OSBPL3: variants seen among roughly 807,000 people sequenced by gnomAD.
OSBPL3 encodes oxysterol binding protein like 3.
OSBPL3 carries 65 observed loss-of-function variants against 120.1 expected under a neutral mutation model. The observed-to-expected ratio is 0.54, with a 90% CI of 0.44 to 0.67. The LOEUF is 0.67. Ranked by LOEUF, OSBPL3 falls within the 30% of genes least tolerant of loss-of-function variation. The pLI is 0.00. For synonymous variants in OSBPL3, 416 were observed against 402.6 expected, an observed-to-expected ratio of 1.03 and a Z score of -0.40; for missense variants, 1,004 against 1,082.1, an observed-to-expected ratio of 0.93 and a Z score of 1.01.
In OSBPL3 at chr7:24,937,913, G is replaced by A. The variant is rs770106156; in HGVS notation, c.-150+41973C>T. On this transcript the variant is annotated intron_variant, in intron 1 of 22. Transcript: ENST00000313367. This position sits in a 1 kb window ranked among gnomAD's most constrained non-coding sequence, Gnocchi z 4.0. ...TCCAGAATCGAAAGGTATTTCCAAA[G>A]TATAATCCATGAATTAGGATGTGGA... 1.3e-5 allele frequency among the ~76,000 whole-genome samples: 2 copies of A among 152,176 alleles called. No individual in the cohort carries two copies. The highest frequency in any genetic ancestry group is 2.9e-5 in the Non-Finnish European group (2 of 68,034).
At chr7:24,915,539 T>TA (rs35520475) in intron 1 of OSBPL3, among the ~76,000 whole-genome samples, 65 of 146,982 alleles carry the variant, frequency 4.4e-4, no homozygotes, top group Non-Finnish European at 6.0e-4. Context: ...CCCCTTTCTT[T>TA]AAAAAAAAAA....
intron 1 of OSBPL3, among the ~76,000 whole-genome samples, chr7:24,910,960 C>T (rs1808738456): frequency 6.6e-6 from 1 of 152,204 alleles, no homozygotes; most frequent in South Asian, 2.1e-4. Flanking sequence ...ACTAACTGGT[C>T]CAGACACTGG....
rs749991332 is a variant in OSBPL3 at position 24,833,328 on chromosome 7, G to A, written c.1746+1158C>T. Among the ~76,000 whole-genome samples, 2 of 152,014 alleles carry A rather than the reference G, an allele frequency of 1.3e-5. No homozygotes were observed. The highest frequency in any genetic ancestry group is 2.4e-5 in the African/African-American group (1 of 41,386). On this transcript the variant is annotated intron_variant, in intron 15 of 22. Transcript: ENST00000313367. This position sits in a 1 kb window ranked among gnomAD's most constrained non-coding sequence, Gnocchi z 4.4. ...GGTTGCAGTGAGGTAGGACTGCACC[G>A]CTGCACTCCAGCCTGGGTGACAAAG... is the stretch of plus-strand genomic sequence containing the variant.
chr7:24,859,863 G>A (rs891868009), intron 10 of OSBPL3, among the ~76,000 whole-genome samples: 6 of 152,018 alleles, frequency 3.9e-5, no homozygotes, highest in African/African-American at 4.8e-5. Context: ...ATTATATTAC[G>A]TTTTTGAAAA....
In OSBPL3 at chr7:24,976,999, T is replaced by C. The variant is rs991930900; in HGVS notation, c.-150+2887A>G. 8.5e-5 allele frequency among the ~76,000 whole-genome samples: 13 copies of C among 152,232 alleles called. 1 individual carries two copies. Among genetic ancestry groups the C allele is most frequent in the Admixed American group, 7.2e-4 (11 of 15,292 alleles). ...CAGTGTCAGCGTAAGAGTAGAGAGT[T>C]GAAATGTAGTTGTTTTACTGAAAGC... On this transcript the variant is annotated intron_variant, in intron 1 of 22. Coordinates refer to ENST00000313367, the MANE Select transcript of OSBPL3 (RefSeq NM_015550.4).
At chr7:24,840,435 T>C (rs1797602811) in intron 14 of OSBPL3, among the ~76,000 whole-genome samples, 2 of 152,186 alleles carry the variant, frequency 1.3e-5, no homozygotes, top group Non-Finnish European at 2.9e-5. Context: ...TTCTAATGAT[T>C]TTTTTAATAA....
At position 24,861,686 on chromosome 7, in the gene OSBPL3, A is replaced by C; in HGVS notation, c.954T>G (p.Asn318Lys). ...LSTLDFGEEK[N>K]YSDGSETSSE... Reference sequence around the variant, plus strand: ...ATGAGGTTTCAGAGCCATCAGAATAATTTTTCTCTTCTCCAAAATCTAGTG... The same window carrying C: ...ATGAGGTTTCAGAGCCATCAGAATACTTTTTCTCTTCTCCAAAATCTAGTG... Residue 318 changes from asparagine (N) to lysine (K), a missense_variant, in exon 10 of 23, where the codon AAT becomes AAG. By Grantham distance (94) the Asn-to-Lys change is moderately conservative (BLOSUM62 0). Transcript: ENST00000313367. 1 of 1,611,768 alleles carries C rather than the reference A, an allele frequency of 6.2e-7. No individual in the cohort carries two copies. The highest frequency in any genetic ancestry group is 1.3e-5 in the African/African-American group (1 of 74,938).
chr7:24,879,744 G>C lies in OSBPL3; in HGVS notation c.97-7675C>G, dbSNP rs545748765. On this transcript the variant is annotated intron_variant, in intron 2 of 22. Coordinates refer to ENST00000313367, the MANE Select transcript of OSBPL3 (RefSeq NM_015550.4). The surrounding 1 kb of genome is among the most constrained non-coding windows in gnomAD (Gnocchi z 5.6). ...CCAAAGAGAAAAACGCTTTCCAACT[G>C]TATTGACCACAGACGGATTTATAAT... Among the ~76,000 whole-genome samples, 7 of 152,268 alleles carry C rather than the reference G, an allele frequency of 4.6e-5. No homozygotes were observed. The highest frequency in any genetic ancestry group is 2.1e-4 in the South Asian group (1 of 4,818).
chr7:24,828,556 G>A (rs953584757), intron 16 of OSBPL3, among the ~76,000 whole-genome samples: 4 of 140,868 alleles, frequency 2.8e-5, no homozygotes, highest in African/African-American at 7.9e-5. Context: ...GCAGTAAGCC[G>A]AGATTGTGCC....
chr7:24,931,987 AAC>A (rs1383139291), intron 1 of OSBPL3, among the ~76,000 whole-genome samples: 1 of 152,232 alleles, frequency 6.6e-6, no homozygotes, highest in African/African-American at 2.4e-5. Context: ...TCATCGCGTA[AAC>A]ACAACCCCTT....
chr7:24,978,203 T>C (rs1406706684), intron 1 of OSBPL3, among the ~76,000 whole-genome samples: 1 of 152,246 alleles, frequency 6.6e-6, no homozygotes, highest in African/African-American at 2.4e-5. Context: ...TGCGGTAATG[T>C]ACAAAAGTTC....
At chr7:24,917,371 G>GATATTTGTAACATATATAT in intron 1 of OSBPL3, among the ~76,000 whole-genome samples, 1 of 106,324 alleles carries the variant, frequency 9.4e-6, no homozygotes, top group South Asian at 4.1e-4. Flanking sequence ...TGGAGCATAG[G>GATATTTGTAACATATATAT]ATATTTGTAA....
rs1455791947 is a variant in OSBPL3, at chr7:24,916,542, G to T, written c.-149-23921C>A. ...CTTTTTCCATTTGTTCACCTGATCT[G>T]TGTTTCTCTTATTTCCCCCAACACT... On this transcript the variant is annotated intron_variant, in intron 1 of 22. Coordinates refer to ENST00000313367, the MANE Select transcript of OSBPL3 (RefSeq NM_015550.4). This position sits in a 1 kb window ranked among gnomAD's most constrained non-coding sequence, Gnocchi z 4.9. Among the ~76,000 whole-genome samples, 3 of 151,766 alleles carry T rather than the reference G, an allele frequency of 2.0e-5. No individual in the cohort carries two copies. The highest frequency in any genetic ancestry group is 4.4e-5 in the Non-Finnish European group (3 of 67,994).
rs1803362512 is a variant in OSBPL3 at position 24,879,621 on chromosome 7, T to C, written c.97-7552A>G. ...CCTTGAGAAAGGGAAGGAAAATCAGTCCTTGCCAGCAGCTGATACTGACAA... is the reference window on the plus strand; with the variant it reads ...CCTTGAGAAAGGGAAGGAAAATCAGCCCTTGCCAGCAGCTGATACTGACAA... On this transcript the variant is annotated intron_variant, in intron 2 of 22. Coordinates refer to ENST00000313367, the MANE Select transcript of OSBPL3 (RefSeq NM_015550.4). The surrounding 1 kb of genome is among the most constrained non-coding windows in gnomAD (Gnocchi z 5.6). Among the ~76,000 whole-genome samples, 1 of 152,294 alleles carries C rather than the reference T, an allele frequency of 6.6e-6. No homozygotes were observed. Among genetic ancestry groups the C allele is most frequent in the African/African-American group, 2.4e-5 (1 of 41,570 alleles).
rs1816245283 is a variant in OSBPL3 at position 24,965,306 on chromosome 7, T to C, written c.-150+14580A>G. Among the ~76,000 whole-genome samples the C allele has an allele frequency of 3.3e-5, 5 of 152,210 alleles. No individual in the cohort carries two copies. The highest frequency in any genetic ancestry group is 2.6e-4 in the Admixed American group (4 of 15,286). On this transcript the variant is annotated intron_variant, in intron 1 of 22. Coordinates refer to ENST00000313367, the MANE Select transcript of OSBPL3 (RefSeq NM_015550.4). The surrounding 1 kb of genome is among the most constrained non-coding windows in gnomAD (Gnocchi z 4.3). ...GATATAAGTATGAGCTCAACTATTT[T>C]TGCCCCTAGGGTAAGTCAGTCATCT...
intron 1 of OSBPL3, among the ~76,000 whole-genome samples, chr7:24,977,661 C>T (rs894051413): frequency 6.6e-6 from 1 of 152,150 alleles, no homozygotes; most frequent in South Asian, 2.1e-4. Context: ...TCGAGACCAC[C>T]CTGGCTAACA....
chr7:24,888,105 A>G (rs945249486), intron 2 of OSBPL3, among the ~76,000 whole-genome samples: 1 of 152,336 alleles, frequency 6.6e-6, no homozygotes, highest in African/African-American at 2.4e-5. Flanking sequence ...TTTGTACAAC[A>G]CTAAAAAGGT....
rs1290253494 is a variant in OSBPL3 at position 24,898,941 on chromosome 7, A to G, written c.-149-6320T>C. ...CAGTTTGTCATCATTTAGAGCTGAA[A>G]TAATGACTCACTATAATTTCATGCG... On this transcript the variant is annotated intron_variant, in intron 1 of 22. Coordinates refer to ENST00000313367, the MANE Select transcript of OSBPL3 (RefSeq NM_015550.4). This position sits in a 1 kb window ranked among gnomAD's most constrained non-coding sequence, Gnocchi z 4.3. 6.6e-6 allele frequency among the ~76,000 whole-genome samples: 1 copy of G among 152,198 alleles called. No homozygotes were observed. Among genetic ancestry groups the G allele is most frequent in the Non-Finnish European group, 1.5e-5 (1 of 68,040 alleles).
rs991347781 is a variant in OSBPL3 at position 24,938,752 on chromosome 7, A to C, written c.-150+41134T>G. Among the ~76,000 whole-genome samples the C allele has an allele frequency of 6.7e-6, 1 of 149,780 alleles. No homozygotes were observed. The highest frequency in any genetic ancestry group is 1.5e-5 in the Non-Finnish European group (1 of 67,736). On this transcript the variant is annotated intron_variant, in intron 1 of 22. Transcript: ENST00000313367. This position sits in a 1 kb window ranked among gnomAD's most constrained non-coding sequence, Gnocchi z 5.8. ...CACACGGCCATACCTAGCTGCAAGGAAAACTGAATAATGAGGTTTTGTTTT... is the reference window on the plus strand; with the variant it reads ...CACACGGCCATACCTAGCTGCAAGGCAAACTGAATAATGAGGTTTTGTTTT...
Sources: allele counts gnomAD v4.1 joint callset (sites outside exome capture counted in the v4.1 genomes callset), GRCh38; gene constraint gnomAD v4.1.1; non-coding constraint Gnocchi (gnomAD v3.1); transcripts MANE v1.5; gene names NCBI Gene and HGNC (gene_info 2026-07-23, HGNC 2026-07-21).